The following INPP5B variants were observed in gnomAD, a reference collection of about 807,000 sequenced individuals.
INPP5B encodes the protein type II inositol 1,4,5-trisphosphate 5-phosphatase.
In INPP5B, 90 loss-of-function variants were observed where a neutral mutation model predicts 118.5. The ratio of observed to expected loss-of-function variants is 0.76; its 90% CI spans 0.64 to 0.90. The LOEUF (loss-of-function observed/expected upper bound fraction) is 0.90. Among genes scored for constraint, INPP5B ranks in the 40% least tolerant of loss-of-function variants. The pLI is 0.00. For synonymous variants in INPP5B, 385 were observed against 418.9 expected (o/e 0.92, Z 0.99); for missense variants, 984 against 1,125.6 (o/e 0.87, Z 1.80).
chr1:37,867,811 G>A (rs940500440), intron 20 of INPP5B, among the ~76,000 whole-genome samples: 7 of 152,004 alleles, frequency 4.6e-5, no homozygotes, highest in Admixed American at 6.6e-5. Flanking sequence ...TGTGGCCCAG[G>A]GGTTGCATCT....
intron 7 of INPP5B, among the ~76,000 whole-genome samples, chr1:37,908,613 A>G (rs1304705974): frequency 6.6e-6 from 1 of 151,588 alleles, no homozygotes; most frequent in Non-Finnish European, 1.5e-5. Context: ...AAGGAGACAC[A>G]TTTTATCCGT....
chr1:37,910,485 T>G (rs531093115), intron 7 of INPP5B, among the ~76,000 whole-genome samples: 1 of 151,894 alleles, frequency 6.6e-6, no homozygotes, highest in South Asian at 2.1e-4. Flanking sequence ...TGCCTCCTTT[T>G]CCCCCAGTTC....
chr1:37,881,234 G>C (rs1377921554), intron 14 of INPP5B, among the ~76,000 whole-genome samples: 1 of 152,202 alleles, frequency 6.6e-6, no homozygotes, highest in African/African-American at 2.4e-5. Context: ...GAAGCTCTGT[G>C]CCTTGGTTTC....
chr1:37,920,594 G>A (rs570943083), intron 7 of INPP5B, among the ~76,000 whole-genome samples: 1 of 152,018 alleles, frequency 6.6e-6, no homozygotes, highest in South Asian at 2.1e-4. Flanking sequence ...GGACCCAGGA[G>A]GCGGAGGTTG....
chr1:37,866,391 C>A, intron 21 of INPP5B, 68 bp downstream of exon 21: 1 of 707,872 alleles, frequency 1.4e-6, no homozygotes, highest in African/African-American at 2.3e-5. Flanking sequence ...CATATTCTCT[C>A]TCTCTCTCTC....
intron 19 of INPP5B, among the ~76,000 whole-genome samples, chr1:37,869,737 C>A (rs1642291517): frequency 6.6e-6 from 1 of 152,066 alleles, no homozygotes; most frequent in South Asian, 2.1e-4. Flanking sequence ...GCCTCAGCCT[C>A]CCAAAGTTCT....
intron 7 of INPP5B, among the ~76,000 whole-genome samples, chr1:37,900,012 C>T (rs1413257954): frequency 6.6e-6 from 1 of 151,768 alleles, no homozygotes; most frequent in Non-Finnish European, 1.5e-5. Context: ...CTGTGCCCGG[C>T]TGAACTACGT....
chr1:37,897,649 T>A (rs972092472), intron 7 of INPP5B, among the ~76,000 whole-genome samples: 34 of 151,548 alleles, frequency 2.2e-4, no homozygotes, highest in Admixed American at 1.2e-3. Flanking sequence ...TGTTCACTTG[T>A]TTATCTGCTG....
intron 9 of INPP5B, 81 bp from the exon 10 acceptor site, chr1:37,888,425 G>T: frequency 1.2e-6 from 1 of 838,196 alleles, no homozygotes; most frequent in Non-Finnish European, 1.8e-6. Flanking sequence ...GATTTATGCT[G>T]GTTTCCGTCT....
At chr1:37,946,075 G>T (rs1646099921) in intron 2 of INPP5B, among the ~76,000 whole-genome samples, 177 bp downstream of exon 2, 1 of 152,216 alleles carries the variant, frequency 6.6e-6, no homozygotes, top group Non-Finnish European at 1.5e-5. Context: ...GAGGATAACT[G>T]CGTATTTAAA....
chr1:37,939,450 TG>T (rs891912181), intron 6 of INPP5B, among the ~76,000 whole-genome samples: 8 of 98,348 alleles, frequency 8.1e-5, no homozygotes, highest in Non-Finnish European at 2.3e-4. Flanking sequence ...TTTTTGTTTT[TG>T]TTTTTTTTTT....
chr1:37,928,849 G>C (rs1645341450), intron 7 of INPP5B: 1 of 151,990 alleles, frequency 6.6e-6, no homozygotes, highest in Non-Finnish European at 1.5e-5. Flanking sequence ...TCAAGTAGTG[G>C]GTATTTTGAT....
chr1:37,896,389 C>T (rs1644066373), intron 7 of INPP5B, among the ~76,000 whole-genome samples: 1 of 151,860 alleles, frequency 6.6e-6, no homozygotes, highest in African/African-American at 2.4e-5. Context: ...AGGAGCGTCT[C>T]CGCCCGGCAG....
intron 7 of INPP5B, chr1:37,931,273 G>C: frequency 2.2e-6 from 1 of 446,544 alleles, no homozygotes; most frequent in Non-Finnish European, 4.0e-6. Context: ...CTCACCCAAA[G>C]GAAGACTCTA....
intron 7 of INPP5B, among the ~76,000 whole-genome samples, chr1:37,900,630 C>CT (rs58101149): frequency 0.013 from 1,787 of 132,426 alleles, 43 homozygotes; most frequent in African/African-American, 0.045. Context: ...TTTTTTTTTT[C>CT]TTTTTTTTTT....
In INPP5B at chr1:37,866,402, TCTCTCACACACACACA is replaced by T. The variant is rs1414674893; in HGVS notation, c.2386+41_2386+56del. 29 of 681,898 alleles carry T rather than the reference TCTCTCACACACACACA, an allele frequency of 4.3e-5. No individual in the cohort carries two copies. The South Asian group carries it at 4.6e-4, about 11-fold the overall frequency. 42.2% of individuals were successfully genotyped at this position (681,898 alleles called of 1,614,324 possible). On this transcript the variant is annotated intron_variant, in intron 21 of 23. Transcript: ENST00000373024. ...CACTCATATTCTCTCTCTCTCTCTC[TCTCTCACACACACACA>T]CACACACACACACACACAGAGCTGA...
intron 3 of INPP5B, among the ~76,000 whole-genome samples, chr1:37,944,095 A>G (rs1003202548): frequency 1.3e-5 from 2 of 152,114 alleles, no homozygotes; most frequent in Non-Finnish European, 2.9e-5. Context: ...ATCAAACCAG[A>G]ACTTTTCTCA....
chr1:37,897,387 T>C (rs1644158407), intron 7 of INPP5B, among the ~76,000 whole-genome samples: 1 of 151,358 alleles, frequency 6.6e-6, no homozygotes, highest in Non-Finnish European at 1.5e-5. Flanking sequence ...TGTTCTGTAC[T>C]AAGAAAAATT....
chr1:37,922,835 T>A (rs549613520), intron 7 of INPP5B, among the ~76,000 whole-genome samples: 85 of 152,358 alleles, frequency 5.6e-4, no homozygotes, highest in African/African-American at 1.9e-3. Context: ...TGGCAAGGAC[T>A]AAATATGACC....
Sources: gnomAD v4.1 joint callset for allele counts (sites outside exome capture counted in the v4.1 genomes callset) on GRCh38, gnomAD v4.1.1 for gene constraint, MANE v1.5 for transcripts, NCBI Gene and HGNC (gene_info 2026-07-23, HGNC 2026-07-21) for gene names.